The following SHB variants were observed in gnomAD, a reference collection of about 807,000 sequenced individuals.
SHB encodes the protein SH2 domain containing adaptor protein B, also known as SH2 domain-containing adapter protein B.
SHB carries 20 observed loss-of-function variants against 52.3 expected under a neutral mutation model. That is an observed-to-expected ratio of 0.38 (90% CI 0.27 to 0.56). SHB has a LOEUF of 0.56. SHB is among the 20% of genes least tolerant of loss of function. SHB has a pLI of 0.71. For missense variants in SHB, 825 were observed against 723.3 expected (o/e 1.14, Z -1.61); for synonymous variants, 397 against 316.5 (o/e 1.25, Z -2.70).
At chr9:37,986,765 C>A (rs1215263684) in intron 2 of SHB, among the ~76,000 whole-genome samples, 13 of 152,320 alleles carry the variant, frequency 8.5e-5, no homozygotes, top group Non-Finnish European at 1.8e-4. Context: ...TCAGGCCAAC[C>A]ATGACAGGGC....
intron 1 of SHB, among the ~76,000 whole-genome samples, chr9:38,016,724 C>G (rs1188111370): frequency 1.3e-5 from 2 of 152,152 alleles, no homozygotes; most frequent in African/African-American, 4.8e-5. Flanking sequence ...AAAAGCAGCT[C>G]AAGGATCGAC....
chr9:38,004,894 G>C (rs1202356488), intron 2 of SHB, among the ~76,000 whole-genome samples: 2 of 152,248 alleles, frequency 1.3e-5, no homozygotes, highest in Non-Finnish European at 2.9e-5. Flanking sequence ...GGCCCAGCAG[G>C]CATGAGACCC....
chr9:37,956,198 C>A (rs1832630715), intron 3 of SHB, 144 bp from the exon 4 acceptor site: 2 of 744,472 alleles, frequency 2.7e-6, no homozygotes, highest in East Asian at 5.5e-5. Context: ...CATAACATGG[C>A]ACAAAAGATT....
chr9:38,065,564 G>T (rs2118203580), intron 1 of SHB, among the ~76,000 whole-genome samples: 1 of 152,288 alleles, frequency 6.6e-6, no homozygotes, highest in South Asian at 2.1e-4. Flanking sequence ...GTGCACTAAA[G>T]TTTGAGGATC....
At position 37,918,594 on chromosome 9, in the gene SHB, G is replaced by A. The variant is rs897240684; in HGVS notation, c.*1227C>T. On this transcript the variant is annotated 3_prime_UTR_variant, in exon 6 of 6. Transcript: ENST00000377707. ...GAGGTCAGGATTCTCCCTCCTCCATGGGCAGGGTGACAGCAAGGCCATGCA... is the reference window on the plus strand; with the variant it reads ...GAGGTCAGGATTCTCCCTCCTCCATAGGCAGGGTGACAGCAAGGCCATGCA... Among the ~76,000 whole-genome samples, 1 of 152,190 alleles carries A rather than the reference G, an allele frequency of 6.6e-6. No homozygotes were observed. The highest frequency in any genetic ancestry group is 1.5e-5 in the Non-Finnish European group (1 of 68,042).
chr9:38,067,854 G>C, intron 1 of SHB, 75 bp downstream of exon 1: 5 of 1,381,930 alleles, frequency 3.6e-6, no homozygotes, highest in African/African-American at 3.0e-5. Flanking sequence ...CTCAACACCA[G>C]AGCGGCGGGT....
In SHB at chr9:37,919,726, A is replaced by T; in HGVS notation, c.*95T>A. The stretch of plus-strand genomic sequence containing the variant: ...TAGTACCATACACACAACACAAACG[A>T]CACAGCCAGCAACAGTGGCTGGGCT... On this transcript the variant is annotated 3_prime_UTR_variant, in exon 6 of 6. Coordinates refer to ENST00000377707, the MANE Select transcript of SHB (RefSeq NM_003028.3). 1 of 970,902 alleles carries T rather than the reference A, an allele frequency of 1.0e-6. No individual in the cohort carries two copies. The highest frequency in any genetic ancestry group is 1.6e-6 in the Non-Finnish European group (1 of 620,654). The allele number at this position is 970,902 out of a possible 1,614,324, so 60.1% of individuals were successfully genotyped here. A position where few individuals can be genotyped will look rare whatever the true frequency, so the allele number is the denominator to read the frequency against.
intron 5 of SHB, among the ~76,000 whole-genome samples, chr9:37,938,975 A>G (rs1164667777): frequency 1.3e-5 from 2 of 152,080 alleles, no homozygotes; most frequent in Non-Finnish European, 2.9e-5. Context: ...GAGAGCCACT[A>G]TCCACCCAGC....
intron 3 of SHB, among the ~76,000 whole-genome samples, chr9:37,966,806 G>C (rs960900491): frequency 1.3e-5 from 2 of 152,144 alleles, no homozygotes; most frequent in East Asian, 3.8e-4. Flanking sequence ...TTTATTCTGA[G>C]CACGTGAAGA....
intron 2 of SHB, among the ~76,000 whole-genome samples, chr9:37,989,222 G>A (rs910574111): frequency 6.6e-6 from 1 of 152,042 alleles, no homozygotes; most frequent in Admixed American, 6.5e-5. Context: ...TCTCTTCTTA[G>A]GAAACAAAGG....
intron 2 of SHB, chr9:38,015,285 T>A (rs985094312): frequency 3.3e-6 from 2 of 612,878 alleles, no homozygotes; most frequent in Non-Finnish European, 5.8e-6. Flanking sequence ...GCCTACAAGA[T>A]GACTGATGTC....
Position 38,068,395 on chromosome 9 carries a change from T to C in SHB, c.251A>G (p.Tyr84Cys). 1.3e-6 allele frequency: 2 copies of C among 1,574,768 alleles called. No individual in the cohort carries two copies. Among genetic ancestry groups the C allele is most frequent in the Admixed American group, 1.8e-5 (1 of 56,436 alleles). Reference protein sequence around the residue: ...SGSTSDLIRAYRAQKERDFED... With the variant: ...SGSTSDLIRACRAQKERDFED... ...GAAGTCTCGCTCCTTCTGCGCGCGG[T>C]AGGCGCGGATGAGGTCGCTGGTGCT... The change falls in exon 1 of 6, where the codon TAC (tyrosine) becomes TGC (cysteine). Residue 84 changes from tyrosine to cysteine, a missense_variant. By Grantham distance (194) the Tyr-to-Cys change is radical. Transcript: ENST00000377707.
Position 38,034,077 on chromosome 9 carries a change from C to T in SHB, c.718-17946G>A, listed in dbSNP as rs1821451799. Reference sequence around the variant, plus strand: ...CCCAGCGATGTCATAAACCCAGGGCCCCTGAAGCTCTCTCTCATGGCCACA... The same window carrying T: ...CCCAGCGATGTCATAAACCCAGGGCTCCTGAAGCTCTCTCTCATGGCCACA... On this transcript the variant is annotated intron_variant, in intron 1 of 5. Transcript: ENST00000377707. Among the ~76,000 whole-genome samples the T allele has an allele frequency of 2.0e-5, 3 of 152,164 alleles. No individual in the cohort carries two copies. The South Asian group carries it at 6.2e-4, about 32-fold the overall frequency.
intron 5 of SHB, among the ~76,000 whole-genome samples, chr9:37,946,847 A>G (rs750055337): frequency 1.3e-5 from 2 of 152,218 alleles, no homozygotes; most frequent in Non-Finnish European, 2.9e-5. Flanking sequence ...CCCAATGACC[A>G]GCACCCCAGA....
intron 5 of SHB, among the ~76,000 whole-genome samples, chr9:37,946,891 A>G (rs1832498071): frequency 6.6e-6 from 1 of 152,210 alleles, no homozygotes; most frequent in African/African-American, 2.4e-5. Flanking sequence ...CCCAGTATGC[A>G]GGGAAGGCTG....
intron 2 of SHB, among the ~76,000 whole-genome samples, chr9:38,008,122 G>C (rs944254273): frequency 6.6e-6 from 1 of 152,238 alleles, no homozygotes; most frequent in Non-Finnish European, 1.5e-5. Context: ...AGGACCCTCA[G>C]CCCACAGCGG....
intron 3 of SHB, among the ~76,000 whole-genome samples, chr9:37,960,954 C>A (rs1176825687): frequency 6.6e-6 from 1 of 152,216 alleles, no homozygotes; most frequent in East Asian, 1.9e-4. Context: ...CTTCATTCCC[C>A]ACAAGAATAC....
At position 38,068,154 on chromosome 9, in the gene SHB, G is replaced by C; in HGVS notation, c.492C>G (p.Ser164Arg). ...GCGTGGCGGGCCGCCGCTCGCTGCT[G>C]CTGCGGTAGAGATGCGGAGAGCCGG... is the stretch of plus-strand genomic sequence containing the variant. The part of the protein sequence containing the change: ...SSSGSPHLYR[S>R]SSERRPATPA... Residue 164 changes from serine to arginine, a missense_variant, in exon 1 of 6, where the codon AGC (serine) becomes AGG (arginine). Ser to Arg is a moderately radical substitution (Grantham distance 110, BLOSUM62 -1). Transcript: ENST00000377707. 2.1e-6 allele frequency: 3 copies of C among 1,443,108 alleles called. No homozygotes were observed. Among genetic ancestry groups the C allele is most frequent in the Non-Finnish European group, 2.7e-6 (3 of 1,110,862 alleles). 89.4% of individuals were successfully genotyped at this position (1,443,108 alleles called of 1,614,324 possible).
chr9:38,044,022 A>G (rs1821614450), intron 1 of SHB, among the ~76,000 whole-genome samples: 1 of 152,244 alleles, frequency 6.6e-6, no homozygotes, highest in African/African-American at 2.4e-5. Context: ...GTTGACCTGG[A>G]GAAGCGGGCA....
Sources: gnomAD v4.1 joint callset for allele counts (sites outside exome capture counted in the v4.1 genomes callset) on GRCh38, gnomAD v4.1.1 for gene constraint, MANE v1.5 for transcripts, NCBI Gene and HGNC (gene_info 2026-07-23, HGNC 2026-07-21) for gene names.